The following PTCH1 variants were observed in gnomAD, a reference collection of about 807,000 sequenced individuals.
PTCH1 encodes the protein protein patched homolog 1.
A neutral mutation model predicts 144.6 loss-of-function variants in PTCH1; 14 were observed. That is an observed-to-expected ratio of 0.10 (90% CI 0.06 to 0.15). The LOEUF (loss-of-function observed/expected upper bound fraction) is 0.15. Ranked by LOEUF, PTCH1 falls within the 10% of genes least tolerant of loss-of-function variation. PTCH1 has a pLI of 1.00. For synonymous variants in PTCH1, 833 were observed against 793.6 expected (o/e 1.05, Z -0.83); for missense variants, 1,623 against 1,948.3 (o/e 0.83, Z 3.14).
At chr9:95,493,834 T>C (rs532511290) in intron 2 of PTCH1, among the ~76,000 whole-genome samples, 10 of 152,218 alleles carry the variant, frequency 6.6e-5, no homozygotes, top group African/African-American at 1.4e-4. Context: ...ATGTGAGCAA[T>C]TGGCTGAAAA....
chr9:95,496,289 C>G (rs1459433199), intron 2 of PTCH1, among the ~76,000 whole-genome samples: 1 of 152,188 alleles, frequency 6.6e-6, no homozygotes, highest in African/African-American at 2.4e-5. Flanking sequence ...TACTGTGTGG[C>G]TGAAATGTAC....
intron 13 of PTCH1, among the ~76,000 whole-genome samples, chr9:95,469,440 T>A (rs1009738530): frequency 2.0e-5 from 3 of 152,204 alleles, no homozygotes; most frequent in Non-Finnish European, 2.9e-5. Flanking sequence ...CAAAGCACAA[T>A]TCCAAACAAA....
At chr9:95,496,897 C>A (rs1038121974) in intron 2 of PTCH1, among the ~76,000 whole-genome samples, 1 of 151,782 alleles carries the variant, frequency 6.6e-6, no homozygotes, top group Admixed American at 6.6e-5. Flanking sequence ...TTGCTGGTTT[C>A]CCAGTAAAGG....
chr9:95,472,345 C>G (rs1377690075), intron 12 of PTCH1, among the ~76,000 whole-genome samples: 1 of 149,656 alleles, frequency 6.7e-6, no homozygotes, highest in Non-Finnish European at 1.5e-5. Context: ...ATGCCAAGCC[C>G]CTAGCTCAGC....
chr9:95,466,836 C>A (rs906334716), intron 15 of PTCH1, among the ~76,000 whole-genome samples: 2 of 152,164 alleles, frequency 1.3e-5, no homozygotes, highest in Non-Finnish European at 2.9e-5. Context: ...CCAGAAGCCT[C>A]GGCTCCACCT....
At chr9:95,477,836 G>C in intron 9 of PTCH1, 134 bp from the exon 10 acceptor site, 1 of 1,464,446 alleles carries the variant, frequency 6.8e-7, no homozygotes, top group South Asian at 1.2e-5. Flanking sequence ...TTTACATCAA[G>C]GGCGTCACAT....
intron 20 of PTCH1, chr9:95,450,936 T>C (rs1033990600): frequency 6.6e-6 from 1 of 151,978 alleles, no homozygotes; most frequent in African/African-American, 2.4e-5. Context: ...TTTCTGGAAC[T>C]AATGATTTCT....
At chr9:95,486,788 C>G (rs1288026843) in intron 2 of PTCH1, among the ~76,000 whole-genome samples, 1 of 152,234 alleles carries the variant, frequency 6.6e-6, no homozygotes. Context: ...ATGAACGGTT[C>G]TGGGCCAAGC....
At chr9:95,477,775 C>A in intron 9 of PTCH1, 73 bp from the exon 10 acceptor site, 1 of 1,572,254 alleles carries the variant, frequency 6.4e-7, no homozygotes, top group Non-Finnish European at 8.7e-7. Flanking sequence ...ATGTTTCCCT[C>A]CACCCATCAC....
chr9:95,512,815 C>G (rs1877456), upstream of PTCH1, among the ~76,000 whole-genome samples: 31,662 of 152,108 alleles, frequency 0.21, 3,536 homozygotes, highest in Non-Finnish European at 0.23. Flanking sequence ...CCCCTTGTGA[C>G]AGTTACCAAA....
chr9:95,498,037 A>G (rs1408897270), intron 2 of PTCH1, among the ~76,000 whole-genome samples: 1 of 152,176 alleles, frequency 6.6e-6, no homozygotes, highest in Non-Finnish European at 1.5e-5. Context: ...TTCCTGAGCT[A>G]GGGGCCAGAA....
intron 2 of PTCH1, among the ~76,000 whole-genome samples, chr9:95,498,273 T>C (rs146710515): frequency 0.016 from 2,397 of 152,358 alleles, 50 homozygotes; most frequent in African/African-American, 0.044. Flanking sequence ...CTTGCTTTCA[T>C]AGCAGTGGCA....
intron 5 of PTCH1, 61 bp downstream of exon 5, chr9:95,481,888 C>T (rs2118455592): frequency 7.2e-7 from 1 of 1,384,968 alleles, no homozygotes; most frequent in Non-Finnish European, 1.0e-6. Flanking sequence ...TGATAAGCAA[C>T]ATTAGAAACA....
chr9:95,494,238 T>G (rs1842644462), intron 2 of PTCH1: 1 of 985,454 alleles, frequency 1.0e-6, no homozygotes, highest in African/African-American at 1.7e-5. Context: ...CTGCTCCCTC[T>G]GAATGGCTTT....
At chr9:95,488,216 G>C (rs951840650) in intron 2 of PTCH1, among the ~76,000 whole-genome samples, 1 of 152,148 alleles carries the variant, frequency 6.6e-6, no homozygotes, top group Non-Finnish European at 1.5e-5. Context: ...GATGTTTTAA[G>C]ATGTATATTT....
intron 2 of PTCH1, among the ~76,000 whole-genome samples, chr9:95,494,068 G>A (rs1221630700): frequency 6.6e-6 from 1 of 151,808 alleles, no homozygotes; most frequent in Non-Finnish European, 1.5e-5. Context: ...ACCCCCACCT[G>A]CCCACGGAAC....
At chr9:95,469,412 C>G (rs1840357347) in intron 13 of PTCH1, among the ~76,000 whole-genome samples, 2 of 152,188 alleles carry the variant, frequency 1.3e-5, no homozygotes, top group Non-Finnish European at 2.9e-5. Context: ...AAAGCAAGTT[C>G]CATGATGATG....
At chr9:95,505,555 C>T (rs1436698186) in intron 2 of PTCH1, among the ~76,000 whole-genome samples, 2 of 152,130 alleles carry the variant, frequency 1.3e-5, no homozygotes, top group Admixed American at 1.3e-4. Flanking sequence ...TCAAGAACCC[C>T]AAAACTGAGG....
chr9:95,470,410 C>A (rs55689739), intron 12 of PTCH1, among the ~76,000 whole-genome samples: 2,776 of 152,178 alleles, frequency 0.018, 82 homozygotes, highest in African/African-American at 0.063. Flanking sequence ...ACACGTGTCC[C>A]CTGAGGTTTT....
Sources: allele counts gnomAD v4.1 joint callset (sites outside exome capture counted in the v4.1 genomes callset), GRCh38; gene constraint gnomAD v4.1.1; transcripts MANE v1.5; gene names NCBI Gene and HGNC (gene_info 2026-07-23, HGNC 2026-07-21).